MGMT: variants seen among roughly 807,000 people sequenced by gnomAD.
The protein encoded by MGMT is O-6-methylguanine-DNA methyltransferase, also known as methylated-DNA--protein-cysteine methyltransferase.
A neutral mutation model predicts 15.9 loss-of-function variants in MGMT; 14 were observed. The ratio of observed to expected loss-of-function variants is 0.88; its 90% CI spans 0.58 to 1.37. The LOEUF (loss-of-function observed/expected upper bound fraction) is 1.37. Ranked by LOEUF, MGMT falls within the 40% of genes most tolerant of loss-of-function variation. The pLI is 0.00. For missense variants in MGMT, 282 were observed against 268.1 expected (o/e 1.05, Z -0.36); for synonymous variants, 130 against 118.2 (o/e 1.10, Z -0.65).
At chr10:129,658,516 T>C (rs370056148) in intron 2 of MGMT, among the ~76,000 whole-genome samples, 10 of 152,288 alleles carry the variant, frequency 6.6e-5, no homozygotes, top group African/African-American at 2.4e-4. Flanking sequence ...AATCTTGCTT[T>C]GAAAGTCCAT....
intron 1 of MGMT, among the ~76,000 whole-genome samples, chr10:129,483,458 G>C (rs1297844749): frequency 6.6e-6 from 1 of 151,996 alleles, no homozygotes; most frequent in African/African-American, 2.4e-5. Context: ...GCTGGTGTCT[G>C]AATTGTCATG....
At chr10:129,678,083 G>C (rs909720488) in intron 2 of MGMT, among the ~76,000 whole-genome samples, 1 of 152,096 alleles carries the variant, frequency 6.6e-6, no homozygotes, top group Non-Finnish European at 1.5e-5. Context: ...CGCTCCTCTC[G>C]GGAAGGCTGG....
chr10:129,632,616 G>A (rs7083430), intron 2 of MGMT, among the ~76,000 whole-genome samples: 14,239 of 152,260 alleles, frequency 0.094, 861 homozygotes, highest in East Asian at 0.31. Flanking sequence ...TGGTTCTGGT[G>A]AATAGAGCAG....
At chr10:129,744,875 C>T (rs1156980739) in intron 3 of MGMT, among the ~76,000 whole-genome samples, 2 of 152,218 alleles carry the variant, frequency 1.3e-5, no homozygotes, top group Admixed American at 1.3e-4. Context: ...GTCTTCCAGC[C>T]TCCCAGGAAA....
chr10:129,669,043 C>T (rs922711961), intron 2 of MGMT, among the ~76,000 whole-genome samples: 4 of 152,112 alleles, frequency 2.6e-5, no homozygotes, highest in Non-Finnish European at 5.9e-5. Flanking sequence ...AAGTGTTATG[C>T]ATTTATTAAT....
chr10:129,482,161 G>A (rs1321266887), intron 1 of MGMT, among the ~76,000 whole-genome samples: 1 of 152,060 alleles, frequency 6.6e-6, no homozygotes, highest in Non-Finnish European at 1.5e-5. Context: ...TTAATGCTTG[G>A]GTTATTTATT....
chr10:129,529,837 C>T (rs1437404666), intron 1 of MGMT, among the ~76,000 whole-genome samples: 1 of 152,072 alleles, frequency 6.6e-6, no homozygotes, highest in Non-Finnish European at 1.5e-5. Context: ...TATATTTACC[C>T]ATGTATTCAT....
rs192757251 is a variant in MGMT at position 129,565,473 on chromosome 10, C to T, written c.125+29096C>T. The stretch of plus-strand genomic sequence containing the variant: ...TCTTGTTGAATGATGAATATGCTAC[C>T]GTATGTTTCAACTATTCCTTTCTTG... On this transcript the variant is annotated intron_variant, in intron 2 of 4. Transcript: ENST00000651593. Among the ~76,000 whole-genome samples, 38 of 152,154 alleles carry T rather than the reference C, an allele frequency of 2.5e-4. 1 individual carries two copies. Among genetic ancestry groups the T allele is most frequent in the Admixed American group, 8.5e-4 (13 of 15,280 alleles).
intron 4 of MGMT, among the ~76,000 whole-genome samples, chr10:129,765,685 A>G (rs938331439): frequency 1.3e-5 from 2 of 152,142 alleles, no homozygotes; most frequent in Admixed American, 1.3e-4. Flanking sequence ...GGGGCTGACC[A>G]TCTCAGAAGA....
chr10:129,727,037 A>G (rs542154975), intron 3 of MGMT, among the ~76,000 whole-genome samples: 2 of 152,348 alleles, frequency 1.3e-5, no homozygotes, highest in African/African-American at 2.4e-5. Flanking sequence ...AAGTTGTGAC[A>G]TTTGGCCCAG....
chr10:129,711,956 C>A (rs929101694), intron 3 of MGMT, among the ~76,000 whole-genome samples: 9 of 152,252 alleles, frequency 5.9e-5, no homozygotes, highest in East Asian at 5.8e-4. Context: ...TGTTTAGCTT[C>A]TTTATATAAT....
intron 1 of MGMT, among the ~76,000 whole-genome samples, chr10:129,480,118 T>C (rs1845341109): frequency 6.6e-6 from 1 of 152,242 alleles, no homozygotes; most frequent in Non-Finnish European, 1.5e-5. Flanking sequence ...AGAAGACAGC[T>C]AGCTTCTCCT....
Position 129,566,063 on chromosome 10 carries a change from C to T in MGMT, c.125+29686C>T, listed in dbSNP as rs1322388880. On this transcript the variant is annotated intron_variant, in intron 2 of 4. Transcript: ENST00000651593. This position sits in a 1 kb window ranked among gnomAD's most constrained non-coding sequence, Gnocchi z 4.1. ...TTGCAGCTCTGTTCCTTCTTCAGCTCCTCTGGTCATTCACACGTGGCCTGG... is the reference window on the plus strand; with the variant it reads ...TTGCAGCTCTGTTCCTTCTTCAGCTTCTCTGGTCATTCACACGTGGCCTGG... Among the ~76,000 whole-genome samples, 1 of 152,214 alleles carries T rather than the reference C, an allele frequency of 6.6e-6. No homozygotes were observed. The highest frequency in any genetic ancestry group is 1.5e-5 in the Non-Finnish European group (1 of 68,042).
intron 2 of MGMT, among the ~76,000 whole-genome samples, chr10:129,596,492 G>C (rs61859899): frequency 6.6e-6 from 1 of 152,190 alleles, no homozygotes; most frequent in African/African-American, 2.4e-5. Flanking sequence ...AGATGAAGGC[G>C]GGCAGATCTC....
At chr10:129,701,531 T>C (rs1848099448) in intron 2 of MGMT, 1 of 152,220 alleles carries the variant, frequency 6.6e-6, no homozygotes, top group Admixed American at 6.5e-5. Context: ...AGTGATTCTC[T>C]ACTGCCAGTG....
intron 1 of MGMT, among the ~76,000 whole-genome samples, chr10:129,477,025 C>A (rs897594707): frequency 7.9e-5 from 12 of 152,044 alleles, no homozygotes; most frequent in African/African-American, 2.9e-4. Flanking sequence ...CTCGTGGGAC[C>A]CCGGCAGTGC....
chr10:129,571,283 A>G (rs368138697), intron 2 of MGMT, among the ~76,000 whole-genome samples: 6 of 152,328 alleles, frequency 3.9e-5, no homozygotes, highest in African/African-American at 1.4e-4. Flanking sequence ...TAAATGATAC[A>G]GGCGATATTT....
At chr10:129,637,545 G>A (rs1238135437) in intron 2 of MGMT, among the ~76,000 whole-genome samples, 1 of 152,206 alleles carries the variant, frequency 6.6e-6, no homozygotes, top group Admixed American at 6.5e-5. Context: ...GGGCAGGATC[G>A]AAGGAGGCTG....
chr10:129,531,806 G>C (rs952954330), intron 1 of MGMT, among the ~76,000 whole-genome samples: 1 of 148,058 alleles, frequency 6.8e-6, no homozygotes, highest in African/African-American at 2.5e-5. Context: ...GGGGGTTTGT[G>C]GGGGTGGGTT....
Sources: allele counts gnomAD v4.1 joint callset (sites outside exome capture counted in the v4.1 genomes callset), GRCh38; gene constraint gnomAD v4.1.1; non-coding constraint Gnocchi (gnomAD v3.1); transcripts MANE v1.5; gene names NCBI Gene and HGNC (gene_info 2026-07-23, HGNC 2026-07-21).